The following PCDHGB5 variants were observed in gnomAD, a reference collection of about 807,000 sequenced individuals.
PCDHGB5 encodes protocadherin gamma-B5.
Under a neutral mutation model 62.9 loss-of-function variants are expected in PCDHGB5, and 48 were observed. The observed-to-expected ratio is 0.76, with a 90% CI of 0.61 to 0.97. PCDHGB5 has a LOEUF of 0.97. Among genes scored for constraint, PCDHGB5 ranks in the 50% least tolerant of loss-of-function variants. The probability of loss-of-function intolerance (pLI) is 0.00; values close to 1 mark genes in which losing one functional copy is unlikely to be tolerated. For synonymous variants in PCDHGB5, 474 were observed against 511.2 expected (o/e 0.93, Z 0.98); for missense variants, 1,118 against 1,198.6 (o/e 0.93, Z 0.99).
intron 1 of PCDHGB5, among the ~76,000 whole-genome samples, chr5:141,448,571 C>G (rs1207283773): frequency 6.6e-6 from 1 of 152,128 alleles, no homozygotes; most frequent in Non-Finnish European, 1.5e-5. Flanking sequence ...TTTTATTTCC[C>G]CATTTTTTTT....
intron 2 of PCDHGB5, among the ~76,000 whole-genome samples, chr5:141,504,351 G>C (rs77439649): frequency 0.021 from 3,233 of 152,120 alleles, 109 homozygotes; most frequent in African/African-American, 0.075. Context: ...CTTTGTGCTA[G>C]GTGCTTCAGT....
At chr5:141,417,703 C>A in intron 1 of PCDHGB5, 1 of 1,205,130 alleles carries the variant, frequency 8.3e-7, no homozygotes, top group Non-Finnish European at 1.1e-6. Context: ...AGCTCCCACA[C>A]AGAGGCTCCC....
At chr5:141,427,526 G>A (rs956426158) in intron 1 of PCDHGB5, 2 of 612,866 alleles carry the variant, frequency 3.3e-6, no homozygotes, top group Middle Eastern at 2.6e-4. Context: ...AGCGGATCCC[G>A]GAGTACAACG....
intron 1 of PCDHGB5, chr5:141,405,534 C>T: frequency 3.1e-6 from 2 of 648,486 alleles, no homozygotes; most frequent in Non-Finnish European, 5.3e-6. Flanking sequence ...ATTCTCCTGC[C>T]TCAGCCTCCC....
At chr5:141,466,180 A>AT (rs922532578) in intron 1 of PCDHGB5, among the ~76,000 whole-genome samples, 11 of 151,256 alleles carry the variant, frequency 7.3e-5, no homozygotes, top group South Asian at 2.1e-4. Context: ...TTTTATTTTT[A>AT]TTTTTTTTCA....
chr5:141,445,361 G>A (rs2098464750), intron 1 of PCDHGB5, among the ~76,000 whole-genome samples: 2 of 152,138 alleles, frequency 1.3e-5, no homozygotes, highest in African/African-American at 4.8e-5. Context: ...GCCCAAGTCT[G>A]GTCCTGGGTG....
At chr5:141,450,608 T>A (rs916441293) in intron 1 of PCDHGB5, among the ~76,000 whole-genome samples, 1 of 151,894 alleles carries the variant, frequency 6.6e-6, no homozygotes, top group East Asian at 1.9e-4. Flanking sequence ...TGCCTCAGCC[T>A]CCTGAGTAGC....
intron 1 of PCDHGB5, chr5:141,415,228 C>A: frequency 1.2e-6 from 2 of 1,614,168 alleles, no homozygotes; most frequent in South Asian, 2.2e-5. Flanking sequence ...CTTCGAGTCT[C>A]CAGCTAACTC....
At chr5:141,499,397 T>A (rs1171838687) in intron 2 of PCDHGB5, among the ~76,000 whole-genome samples, 2 of 152,122 alleles carry the variant, frequency 1.3e-5, no homozygotes, top group African/African-American at 4.8e-5. Flanking sequence ...AAATAGTACA[T>A]GCTCATTATA....
chr5:141,423,201 C>G, intron 1 of PCDHGB5: 1 of 1,613,628 alleles, frequency 6.2e-7, no homozygotes, highest in Non-Finnish European at 8.5e-7. Context: ...TCTCGGCCAC[C>G]GTCACGCTCA....
intron 1 of PCDHGB5, among the ~76,000 whole-genome samples, chr5:141,444,242 G>A (rs964582042): frequency 7.5e-6 from 1 of 133,896 alleles, no homozygotes; most frequent in Non-Finnish European, 1.5e-5. Flanking sequence ...CATGCTCTCG[G>A]CTCACTGCAA....
intron 1 of PCDHGB5, among the ~76,000 whole-genome samples, chr5:141,449,391 G>A (rs1020753910): frequency 1.3e-5 from 2 of 151,876 alleles, no homozygotes; most frequent in Non-Finnish European, 2.9e-5. Context: ...TGGATTACTT[G>A]AGGCCAGGAG....
chr5:141,413,386 G>A (rs757396075), intron 1 of PCDHGB5: 6 of 1,613,884 alleles, frequency 3.7e-6, no homozygotes, highest in African/African-American at 1.3e-5. Context: ...AGTCCGCATA[G>A]TCTCCAGAGG....
Position 141,491,995 on chromosome 5 carries a change from G to C in PCDHGB5, c.2398-2812G>C, listed in dbSNP as rs76332593. On this transcript the variant is annotated intron_variant, in intron 1 of 3. Transcript: ENST00000617380. The surrounding 1 kb of genome is among the most constrained non-coding windows in gnomAD (Gnocchi z 6.9). ...CTCCTTCGAGCTTCCGGTGAATTTC[G>C]GGCGATTTCCGCGGGTGTCGGGGGT... is the stretch of plus-strand genomic sequence containing the variant. 0.033 allele frequency: 22,941 copies of C among 696,644 alleles called. 426 individuals carry two copies. The highest frequency in any genetic ancestry group is 0.093 in the Middle Eastern group (249 of 2,666). The allele number at this position is 696,644 out of a possible 1,614,324, so 43.2% of individuals were successfully genotyped here. A position where few individuals can be genotyped will look rare whatever the true frequency, so the allele number is the denominator to read the frequency against.
intron 1 of PCDHGB5, chr5:141,471,417 T>A (rs1174855045): frequency 6.6e-6 from 1 of 152,190 alleles, no homozygotes; most frequent in Non-Finnish European, 1.5e-5. Flanking sequence ...GTTATGTTTT[T>A]AGCAAGGAAA....
At chr5:141,506,898 T>C (rs2099857040) in intron 3 of PCDHGB5, among the ~76,000 whole-genome samples, 1 of 152,260 alleles carries the variant, frequency 6.6e-6, no homozygotes, top group East Asian at 1.9e-4. Context: ...AGAAGCACTG[T>C]CATCACACCT....
chr5:141,509,602 C>T (rs921950654), intron 3 of PCDHGB5, among the ~76,000 whole-genome samples: 8 of 152,194 alleles, frequency 5.3e-5, no homozygotes, highest in Non-Finnish European at 8.8e-5. Context: ...TTCCGAGAGG[C>T]TGCATTCTAA....
chr5:141,486,346 C>G lies in PCDHGB5; in HGVS notation c.2398-8461C>G. 1 of 1,614,120 alleles carries G rather than the reference C, an allele frequency of 6.2e-7. No individual in the cohort carries two copies. Among genetic ancestry groups the G allele is most frequent in the East Asian group, 2.2e-5 (1 of 44,874 alleles). ...GAGATGTGAGCCTCCGCATTCCTGA[C>G]CACTTGCCATTTGCCCTCAAGTCTG... On this transcript the variant is annotated intron_variant, in intron 1 of 3. Coordinates refer to ENST00000617380, the MANE Select transcript of PCDHGB5 (RefSeq NM_018925.3). This position sits in a 1 kb window ranked among gnomAD's most constrained non-coding sequence, Gnocchi z 5.0.
rs1186240180 is a variant in PCDHGB5, at chr5:141,432,270, A to T, written c.2397+31746A>T. On this transcript the variant is annotated intron_variant, in intron 1 of 3. Transcript: ENST00000617380. The surrounding 1 kb of genome is among the most constrained non-coding windows in gnomAD (Gnocchi z 6.0). ...ATCCAAGGGGCAAGCCTATCGTCCT[A>T]CGTGTCCATCAACTCCGACACTGGG... 1 of 1,614,024 alleles carries T rather than the reference A, an allele frequency of 6.2e-7. No homozygotes were observed. The highest frequency in any genetic ancestry group is 8.5e-7 in the Non-Finnish European group (1 of 1,180,028).
Sources: gnomAD v4.1 joint callset for allele counts (sites outside exome capture counted in the v4.1 genomes callset) on GRCh38, gnomAD v4.1.1 for gene constraint, Gnocchi (gnomAD v3.1) non-coding constraint, MANE v1.5 for transcripts, NCBI Gene and HGNC (gene_info 2026-07-23, HGNC 2026-07-21) for gene names.